Variants in XKR6 observed in about 807,000 individuals in gnomAD.
XKR6 encodes XK related 6.
In XKR6, 22 loss-of-function variants were observed where a neutral mutation model predicts 56.7. That is an observed-to-expected ratio of 0.39 (90% CI 0.28 to 0.55). The LOEUF (loss-of-function observed/expected upper bound fraction) is 0.55, where lower values mean the gene tolerates loss of function less well. Among genes scored for constraint, XKR6 ranks in the 20% least tolerant of loss-of-function variants. The pLI is 0.66. For missense variants in XKR6, 852 were observed against 889.0 expected (o/e 0.96, Z 0.53); for synonymous variants, 524 against 387.8 (o/e 1.35, Z -4.13).
chr8:10,984,011 A>G (rs116574775), intron 1 of XKR6, among the ~76,000 whole-genome samples: 2,699 of 152,268 alleles, frequency 0.018, 35 homozygotes, highest in African/African-American at 0.044. Flanking sequence ...CCCAAAATAA[A>G]AAATAAAACT....
intron 1 of XKR6, among the ~76,000 whole-genome samples, chr8:11,009,637 A>T (rs1798455812): frequency 1.3e-5 from 2 of 152,224 alleles, no homozygotes; most frequent in South Asian, 4.1e-4. Flanking sequence ...CCAGCACTCA[A>T]AACTGTCAAG....
intron 2 of XKR6, among the ~76,000 whole-genome samples, chr8:10,911,796 C>G (rs1800378705): frequency 6.8e-6 from 1 of 146,276 alleles, no homozygotes; most frequent in African/African-American, 2.5e-5. Flanking sequence ...TATATAGAGA[C>G]AATGTATGTA....
At chr8:11,145,403 T>C (rs1329302983) in intron 1 of XKR6, among the ~76,000 whole-genome samples, 1 of 152,070 alleles carries the variant, frequency 6.6e-6, no homozygotes, top group Non-Finnish European at 1.5e-5. Flanking sequence ...GAACAAAAGA[T>C]GAAGACATCC....
At chr8:10,904,643 C>T (rs1177864763) in intron 2 of XKR6, among the ~76,000 whole-genome samples, 5 of 152,058 alleles carry the variant, frequency 3.3e-5, no homozygotes, top group South Asian at 2.1e-4. Flanking sequence ...AGGCTGTGAC[C>T]GGGATGGGCC....
At chr8:11,006,879 G>C (rs1798381852) in intron 1 of XKR6, among the ~76,000 whole-genome samples, 1 of 152,186 alleles carries the variant, frequency 6.6e-6, no homozygotes, top group Non-Finnish European at 1.5e-5. Context: ...CTCTATTCTA[G>C]CTGCAACACA....
rs76036198 is a variant in XKR6, at chr8:11,081,648, C to G, written c.764+118928G>C. Among the ~76,000 whole-genome samples the G allele has an allele frequency of 4.3e-3, 651 of 152,284 alleles. 11 individuals are homozygous for G. Among genetic ancestry groups the G allele is most frequent in the African/African-American group, 0.015 (621 of 41,560 alleles). On this transcript the variant is annotated intron_variant, in intron 1 of 2. Transcript: ENST00000416569. ...GCCTGAATTCTTCTTCCTTTCCCCA[C>G]GGCTCTGACTCCAAGTTCTGATCAT...
intron 1 of XKR6, chr8:11,124,671 G>A (rs1799667371): frequency 6.5e-6 from 1 of 152,878 alleles, no homozygotes; most frequent in Non-Finnish European, 1.5e-5. Flanking sequence ...AGGTTGGAGG[G>A]AGGCACAGGA....
chr8:11,174,575 T>C (rs11986533), intron 1 of XKR6, among the ~76,000 whole-genome samples: 1 of 152,076 alleles, frequency 6.6e-6, no homozygotes. Flanking sequence ...ATATTGTAAT[T>C]ATTAGAAGAT....
intron 1 of XKR6, among the ~76,000 whole-genome samples, chr8:11,113,124 T>C (rs1798988006): frequency 6.6e-6 from 1 of 152,222 alleles, no homozygotes; most frequent in African/African-American, 2.4e-5. Flanking sequence ...CTGCACAATT[T>C]AGGCTAAACA....
At chr8:11,156,411 G>A (rs1331320031) in intron 1 of XKR6, among the ~76,000 whole-genome samples, 3 of 152,230 alleles carry the variant, frequency 2.0e-5, no homozygotes, top group Non-Finnish European at 4.4e-5. Flanking sequence ...CTCCCCACCT[G>A]CCTGCCTCTT....
chr8:10,899,465 C>T (rs1249257349), intron 2 of XKR6, among the ~76,000 whole-genome samples: 1 of 152,210 alleles, frequency 6.6e-6, no homozygotes, highest in Admixed American at 6.5e-5. Context: ...CTTTCCTGAA[C>T]CTTCTTCCAG....
rs35359233 is a variant in XKR6 at position 10,901,055 on chromosome 8, CT to C, written c.962-2140del. 5.1e-3 allele frequency among the ~76,000 whole-genome samples: 626 copies of C among 122,232 alleles called. 5 individuals are homozygous for C. Among genetic ancestry groups the C allele is most frequent in the East Asian group, 0.012 (49 of 4,124 alleles). 80.2% of individuals were successfully genotyped at this position (122,232 alleles called of 152,430 possible). ...TTTTGTAGAGACAGAGTTTCTACTT[CT>C]TTTTTTTTTTTTTTTTTAAGATGGA... On this transcript the variant is annotated intron_variant, in intron 2 of 2. Coordinates refer to ENST00000416569, the MANE Select transcript of XKR6 (RefSeq NM_173683.4).
chr8:11,182,998 T>C (rs1294122930), intron 1 of XKR6, among the ~76,000 whole-genome samples: 1 of 152,256 alleles, frequency 6.6e-6, no homozygotes, highest in East Asian at 1.9e-4. Context: ...TTATTTCACT[T>C]TGCAGAATGT....
intron 1 of XKR6, among the ~76,000 whole-genome samples, chr8:10,990,047 G>A (rs1042688701): frequency 1.3e-5 from 2 of 152,158 alleles, no homozygotes; most frequent in Non-Finnish European, 2.9e-5. Context: ...TACAATAGGT[G>A]GTCATTATCT....
chr8:11,086,550 AC>A (rs987341844), intron 1 of XKR6, among the ~76,000 whole-genome samples: 14 of 152,204 alleles, frequency 9.2e-5, no homozygotes, highest in Non-Finnish European at 1.9e-4. Flanking sequence ...CATGAAGGCA[AC>A]CCTAGACTGA....
intron 1 of XKR6, among the ~76,000 whole-genome samples, chr8:11,035,797 G>C (rs28439127): frequency 1.3e-5 from 2 of 151,934 alleles, no homozygotes; most frequent in Non-Finnish European, 2.9e-5. Flanking sequence ...AGGAGAGGGA[G>C]GTAAGTGGTT....
intron 2 of XKR6, among the ~76,000 whole-genome samples, chr8:10,917,236 C>A (rs1800587825): frequency 1.3e-5 from 2 of 152,112 alleles, no homozygotes; most frequent in Admixed American, 1.3e-4. Context: ...GTATAGGAGG[C>A]TTTTCTAATT....
At chr8:11,177,781 T>G (rs925098697) in intron 1 of XKR6, among the ~76,000 whole-genome samples, 22 of 152,222 alleles carry the variant, frequency 1.4e-4, no homozygotes, top group Admixed American at 1.4e-3. Flanking sequence ...AGGGGAGCAG[T>G]GCCCTGCTCA....
chr8:10,980,725 G>T (rs897696738), intron 1 of XKR6, among the ~76,000 whole-genome samples: 2 of 152,052 alleles, frequency 1.3e-5, no homozygotes, highest in African/African-American at 2.4e-5. Context: ...TATGACTCGG[G>T]ATTGTGATAC....
Sources: allele counts gnomAD v4.1 joint callset (sites outside exome capture counted in the v4.1 genomes callset), GRCh38; gene constraint gnomAD v4.1.1; transcripts MANE v1.5; gene names NCBI Gene and HGNC (gene_info 2026-07-23, HGNC 2026-07-21).